The following PRKAA2 variants were observed in gnomAD, a reference collection of about 807,000 sequenced individuals.
The protein encoded by PRKAA2 is 5'-AMP-activated protein kinase catalytic subunit alpha-2.
PRKAA2 carries 40 observed loss-of-function variants against 56.3 expected under a neutral mutation model. That is an observed-to-expected ratio of 0.71 (90% CI 0.55 to 0.92). The LOEUF (loss-of-function observed/expected upper bound fraction) is 0.92, where lower values mean the gene tolerates loss of function less well. Ranked by LOEUF, PRKAA2 falls within the 40% of genes least tolerant of loss-of-function variation. The pLI, the probability that PRKAA2 is intolerant of heterozygous loss-of-function variation, is 0.00. For synonymous variants in PRKAA2, 214 were observed against 234.2 expected, an observed-to-expected ratio of 0.91 and a Z score of 0.79; for missense variants, 542 against 686.9, an observed-to-expected ratio of 0.79 and a Z score of 2.36.
chr1:56,692,065 C>T, intron 3 of PRKAA2, among the ~76,000 whole-genome samples: 1 of 124,580 alleles, frequency 8.0e-6, no homozygotes, highest in African/African-American at 3.2e-5. Context: ...CAGACTCTTG[C>T]TCTGTTGCCC....
chr1:56,677,785 T>A (rs2100408827), intron 2 of PRKAA2, among the ~76,000 whole-genome samples: 1 of 152,098 alleles, frequency 6.6e-6, no homozygotes, highest in Non-Finnish European at 1.5e-5. Context: ...GCCTTCCAAG[T>A]AGCTGAGACT....
chr1:56,672,765 CTGTT>C (rs777755209), intron 1 of PRKAA2, among the ~76,000 whole-genome samples: 1 of 152,050 alleles, frequency 6.6e-6, no homozygotes, highest in African/African-American at 2.4e-5. Context: ...TATTTTGTGA[CTGTT>C]TGGTATCCGT....
chr1:56,677,049 G>A (rs558702151), intron 2 of PRKAA2, among the ~76,000 whole-genome samples: 1 of 152,260 alleles, frequency 6.6e-6, no homozygotes, highest in East Asian at 1.9e-4. Flanking sequence ...TGTATATAGA[G>A]GTTTTTAAAG....
chr1:56,698,004 T>A (rs1644270123), intron 6 of PRKAA2, among the ~76,000 whole-genome samples: 1 of 151,754 alleles, frequency 6.6e-6, no homozygotes, highest in Admixed American at 6.6e-5. Context: ...TTCATCTTTT[T>A]AAATTTATGT....
chr1:56,705,152 G>A (rs370851983), intron 7 of PRKAA2, among the ~76,000 whole-genome samples: 56 of 152,092 alleles, frequency 3.7e-4, no homozygotes, highest in African/African-American at 1.4e-3. Flanking sequence ...GAAGAAAAAT[G>A]TGCAAACTTA....
intron 6 of PRKAA2, among the ~76,000 whole-genome samples, chr1:56,701,801 G>A (rs1462770475): frequency 3.9e-5 from 6 of 151,962 alleles, no homozygotes; most frequent in African/African-American, 7.3e-5. Context: ...GGCTGAGGCC[G>A]GAGAATGGCG....
At chr1:56,691,584 T>C in intron 3 of PRKAA2, 97 bp downstream of exon 3, 1 of 954,816 alleles carries the variant, frequency 1.0e-6, no homozygotes, top group Non-Finnish European at 1.5e-6. Context: ...AAGGTTGAAG[T>C]TGCTTTTATG....
chr1:56,648,998 C>T (rs10749709), intron 1 of PRKAA2, among the ~76,000 whole-genome samples: 52,243 of 151,882 alleles, frequency 0.34, 9,290 homozygotes, highest in Admixed American at 0.48. Flanking sequence ...TTCTTCCAGT[C>T]TGTTGTGTCT....
Position 56,695,921 on chromosome 1 carries a change from ATCTTTTT to A in PRKAA2, c.564-9_564-3del, listed in dbSNP as rs763049868. On this transcript the variant is annotated splice_polypyrimidine_tract_variant and splice_region_variant and intron_variant, in intron 5 of 8. Transcript: ENST00000371244. ...TCTTGCATTTCAGGTTTGTGTTGTC[ATCTTTTT>A]TCTTAGATTGTATGCAGGTCCTGAA... The A allele has an allele frequency of 6.2e-7, 1 of 1,606,544 alleles. No individual in the cohort carries two copies. Among genetic ancestry groups the A allele is most frequent in the South Asian group, 1.1e-5 (1 of 90,668 alleles).
In PRKAA2 at chr1:56,658,225, CTACTT is replaced by C. The variant is rs768395556; in HGVS notation, c.94+12747_94+12751del. ...GAGAATTCTAGATCATTCCACAACTCTACTTTAAAAAGAAATTTTATGGAATGTAA... is the reference window on the plus strand; with the variant it reads ...GAGAATTCTAGATCATTCCACAACTCTAAAAAGAAATTTTATGGAATGTAA... On this transcript the variant is annotated intron_variant, in intron 1 of 8. Coordinates refer to ENST00000371244, the MANE Select transcript of PRKAA2 (RefSeq NM_006252.4). Among the ~76,000 whole-genome samples, 15 of 152,064 alleles carry C rather than the reference CTACTT, an allele frequency of 9.9e-5. No individual in the cohort carries two copies. In the South Asian group the frequency reaches 1.9e-3, roughly 19 times the overall value.
chr1:56,694,734 C>A (rs775045129), intron 5 of PRKAA2, among the ~76,000 whole-genome samples: 32 of 152,006 alleles, frequency 2.1e-4, no homozygotes, highest in Non-Finnish European at 4.4e-4. Flanking sequence ...CTAATCACCC[C>A]CCTTAAGTCC....
chr1:56,704,495 T>C lies in PRKAA2; in HGVS notation c.1293+20T>C. 1 of 1,557,774 alleles carries C rather than the reference T, an allele frequency of 6.4e-7. No homozygotes were observed. Among genetic ancestry groups the C allele is most frequent in the South Asian group, 1.2e-5 (1 of 80,438 alleles). ...TGGAAGGTAGGAAATTATAATGTAA[T>C]AAGATCATTTGTAGAAGCCATTTTT... is the stretch of plus-strand genomic sequence containing the variant. On this transcript the variant is annotated intron_variant, in intron 7 of 8. Transcript: ENST00000371244.
intron 4 of PRKAA2, among the ~76,000 whole-genome samples, 167 bp from the exon 5 acceptor site, chr1:56,693,598 T>G (rs1644241761): frequency 1.3e-5 from 2 of 152,126 alleles, no homozygotes; most frequent in South Asian, 4.1e-4. Flanking sequence ...GTGTAAGCAC[T>G]CTGAGACGGT....
chr1:56,701,633 A>G (rs1644294118), intron 6 of PRKAA2, among the ~76,000 whole-genome samples: 1 of 152,122 alleles, frequency 6.6e-6, no homozygotes, highest in African/African-American at 2.4e-5. Flanking sequence ...GCGGTGGCTC[A>G]CACCTGTAAT....
At chr1:56,648,264 G>A (rs1646660046) in intron 1 of PRKAA2, among the ~76,000 whole-genome samples, 1 of 152,136 alleles carries the variant, frequency 6.6e-6, no homozygotes, top group Admixed American at 6.5e-5. Context: ...TCTGTTTTCT[G>A]CCTGTATAAA....
chr1:56,663,880 G>A (rs1448493570), intron 1 of PRKAA2, among the ~76,000 whole-genome samples: 1 of 152,044 alleles, frequency 6.6e-6, no homozygotes, highest in Non-Finnish European at 1.5e-5. Context: ...TAGGAAGATC[G>A]CTTGAGCCCA....
chr1:56,702,896 C>T (rs1257745144), intron 6 of PRKAA2, among the ~76,000 whole-genome samples: 1 of 152,158 alleles, frequency 6.6e-6, no homozygotes, highest in African/African-American at 2.4e-5. Flanking sequence ...AATCTCTGTG[C>T]AGCTAAAATA....
At chr1:56,703,634 G>A (rs1307338671) in intron 6 of PRKAA2, among the ~76,000 whole-genome samples, 1 of 152,176 alleles carries the variant, frequency 6.6e-6, no homozygotes, top group Non-Finnish European at 1.5e-5. Context: ...GTATTGAGAA[G>A]CTGTTAAACT....
intron 2 of PRKAA2, among the ~76,000 whole-genome samples, chr1:56,684,967 T>G (rs936365146): frequency 2.0e-5 from 3 of 152,128 alleles, no homozygotes; most frequent in Non-Finnish European, 4.4e-5. Flanking sequence ...GGGCTAATTA[T>G]AGAAGCCAAG....
Sources: gnomAD v4.1 joint callset for allele counts (sites outside exome capture counted in the v4.1 genomes callset) on GRCh38, gnomAD v4.1.1 for gene constraint, MANE v1.5 for transcripts, NCBI Gene and HGNC (gene_info 2026-07-23, HGNC 2026-07-21) for gene names.